ADAMTSL1: variants seen among roughly 807,000 people sequenced by gnomAD.
ADAMTSL1 encodes the protein ADAMTS like 1.
In ADAMTSL1, 126 loss-of-function variants were observed where a neutral mutation model predicts 201.8. The ratio of observed to expected loss-of-function variants is 0.62; its 90% CI spans 0.54 to 0.72. The LOEUF (loss-of-function observed/expected upper bound fraction) is 0.72, where lower values mean the gene tolerates loss of function less well. Among genes scored for constraint, ADAMTSL1 ranks in the 30% least tolerant of loss-of-function variants. ADAMTSL1 has a pLI of 0.00. For missense variants in ADAMTSL1, 2,679 were observed against 2,277.8 expected (o/e 1.18, Z -3.59); for synonymous variants, 1,121 against 903.4 (o/e 1.24, Z -4.32).
intron 1 of ADAMTSL1, among the ~76,000 whole-genome samples, chr9:18,124,143 C>T (rs1406654595): frequency 1.6e-5 from 2 of 126,620 alleles, no homozygotes; most frequent in African/African-American, 6.0e-5. Flanking sequence ...AGTGCAGTGG[C>T]TCCGTCTCAG....
chr9:18,870,143 A>G (rs1827797157), intron 23 of ADAMTSL1, among the ~76,000 whole-genome samples: 1 of 152,146 alleles, frequency 6.6e-6, no homozygotes, highest in South Asian at 2.1e-4. Flanking sequence ...GTGTATTTTC[A>G]TGTCCTTAAA....
rs572002208 is a variant in ADAMTSL1 at position 17,988,837 on chromosome 9, A to G, written c.87+81915A>G. On this transcript the variant is annotated intron_variant, in intron 1 of 29. Transcript: ENST00000680146. Reference sequence around the variant, plus strand: ...TAACTTTATGTGAAAATTGGTAACAAGGTTTCATCTTGATCTGGTTTAGTG... The same window carrying G: ...TAACTTTATGTGAAAATTGGTAACAGGGTTTCATCTTGATCTGGTTTAGTG... Among the ~76,000 whole-genome samples, 8 of 152,058 alleles carry G rather than the reference A, an allele frequency of 5.3e-5. No homozygotes were observed. The South Asian group carries it at 1.5e-3, about 28-fold the overall frequency.
chr9:18,065,611 T>A (rs1483576302), intron 1 of ADAMTSL1, among the ~76,000 whole-genome samples: 1 of 152,116 alleles, frequency 6.6e-6, no homozygotes, highest in Non-Finnish European at 1.5e-5. Flanking sequence ...GTCTTTAAAT[T>A]CTAGCTATGT....
At chr9:18,812,720 A>G (rs1588150936) in intron 20 of ADAMTSL1, among the ~76,000 whole-genome samples, 1 of 152,090 alleles carries the variant, frequency 6.6e-6, no homozygotes, top group African/African-American at 2.4e-5. Context: ...TTTATGTAGT[A>G]AGAACTAGGG....
intron 23 of ADAMTSL1, among the ~76,000 whole-genome samples, chr9:18,877,747 G>A (rs1051580147): frequency 2.0e-5 from 3 of 152,130 alleles, no homozygotes; most frequent in Admixed American, 6.5e-5. Flanking sequence ...ATCATCAGGT[G>A]TGGTAGTATA....
intron 2 of ADAMTSL1, among the ~76,000 whole-genome samples, chr9:18,295,601 G>A (rs144044101): frequency 6.6e-5 from 10 of 152,262 alleles, no homozygotes; most frequent in East Asian, 5.8e-4. Context: ...GCCTCCCAAA[G>A]TGTTGGGATT....
intron 1 of ADAMTSL1, among the ~76,000 whole-genome samples, chr9:18,092,911 T>C (rs1175481539): frequency 1.3e-5 from 2 of 152,224 alleles, no homozygotes; most frequent in Non-Finnish European, 1.5e-5. Flanking sequence ...ATTTACAAAA[T>C]GGACTTGGCA....
intron 23 of ADAMTSL1, among the ~76,000 whole-genome samples, chr9:18,886,888 G>A (rs1195444100): frequency 1.3e-5 from 2 of 152,170 alleles, no homozygotes; most frequent in African/African-American, 2.4e-5. Context: ...AGTTTTATGA[G>A]TGTACTTTCT....
chr9:18,750,133 G>A (rs543315633), intron 15 of ADAMTSL1, among the ~76,000 whole-genome samples: 54 of 152,200 alleles, frequency 3.5e-4, no homozygotes, highest in Non-Finnish European at 6.9e-4. Flanking sequence ...TATTTCCCTT[G>A]AGTGGAAAGA....
chr9:18,365,321 A>G (rs990303858), intron 2 of ADAMTSL1, among the ~76,000 whole-genome samples: 6 of 152,218 alleles, frequency 3.9e-5, no homozygotes, highest in Non-Finnish European at 5.9e-5. Context: ...TATACCAAGT[A>G]TGTTTCCATT....
intron 2 of ADAMTSL1, among the ~76,000 whole-genome samples, chr9:18,375,730 T>C (rs1837261138): frequency 6.6e-6 from 1 of 152,208 alleles, no homozygotes; most frequent in Non-Finnish European, 1.5e-5. Flanking sequence ...AAACCTCCCA[T>C]AGCATGGAAG....
At chr9:17,973,118 T>G (rs1818284095) in intron 1 of ADAMTSL1, among the ~76,000 whole-genome samples, 1 of 129,814 alleles carries the variant, frequency 7.7e-6, no homozygotes, top group Non-Finnish European at 1.7e-5. Context: ...GTAGGTTGCC[T>G]GTTCACTCTG....
intron 23 of ADAMTSL1, among the ~76,000 whole-genome samples, chr9:18,853,120 C>CA (rs1826606401): frequency 6.6e-6 from 1 of 152,152 alleles, no homozygotes. Flanking sequence ...GACCTCATGG[C>CA]ATCTGAGTAG....
intron 14 of ADAMTSL1, among the ~76,000 whole-genome samples, chr9:18,720,969 C>T (rs529290450): frequency 5.3e-5 from 8 of 152,074 alleles, no homozygotes; most frequent in Non-Finnish European, 1.0e-4. Context: ...TATTCTCCTT[C>T]TTTGTTCCAA....
At chr9:18,311,414 A>G (rs1834151830) in intron 2 of ADAMTSL1, among the ~76,000 whole-genome samples, 2 of 152,138 alleles carry the variant, frequency 1.3e-5, no homozygotes, top group Non-Finnish European at 2.9e-5. Flanking sequence ...TGCTGAAGCT[A>G]GTAGAATCAA....
chr9:18,772,428 A>C (rs1820748547), intron 17 of ADAMTSL1, among the ~76,000 whole-genome samples: 1 of 152,156 alleles, frequency 6.6e-6, no homozygotes, highest in Admixed American at 6.5e-5. Context: ...GACTAAGAAA[A>C]AGGTCCCATT....
chr9:18,763,575 G>A (rs1820191379), intron 16 of ADAMTSL1, among the ~76,000 whole-genome samples: 1 of 152,066 alleles, frequency 6.6e-6, no homozygotes, highest in Admixed American at 6.6e-5. Context: ...CCAATGTCCT[G>A]GAGATTCCCC....
At position 18,034,094 on chromosome 9, in the gene ADAMTSL1, TATCTCTC is replaced by T. The variant is rs1171968856; in HGVS notation, c.87+127175_87+127181del. On this transcript the variant is annotated intron_variant, in intron 1 of 29. Coordinates refer to the ADAMTSL1 transcript ENST00000680146. ...TCTTGCTTTTTCAATTGTTTCCTTA[TATCTCTC>T]ATTTTCTACAAGCATACTTTTCTCT... Among the ~76,000 whole-genome samples the T allele has an allele frequency of 3.3e-5, 5 of 152,176 alleles. No homozygotes were observed. In the East Asian group the frequency reaches 7.7e-4, roughly 23 times the overall value.
intron 2 of ADAMTSL1, among the ~76,000 whole-genome samples, chr9:18,227,902 C>G (rs1257416211): frequency 2.0e-5 from 3 of 152,158 alleles, no homozygotes; most frequent in African/African-American, 7.2e-5. Context: ...AGAAGGTGCT[C>G]AGAGCATGTT....
Sources: gnomAD v4.1 joint callset for allele counts (sites outside exome capture counted in the v4.1 genomes callset) on GRCh38, gnomAD v4.1.1 for gene constraint, MANE v1.5 for transcripts, NCBI Gene and HGNC (gene_info 2026-07-23, HGNC 2026-07-21) for gene names.